CELSR3: variants seen among roughly 807,000 people sequenced by gnomAD.
The protein encoded by CELSR3 is cadherin EGF LAG seven-pass G-type receptor 3.
Under a neutral mutation model 270.0 loss-of-function variants are expected in CELSR3, and 73 were observed. The observed-to-expected ratio is 0.27, with a 90% CI of 0.22 to 0.33. The LOEUF is 0.33. CELSR3 is among the 10% of genes least tolerant of loss of function. CELSR3 has a pLI of 1.00. For synonymous variants in CELSR3, 1,780 were observed against 1,905.4 expected (o/e 0.93, Z 1.71); for missense variants, 3,614 against 4,533.8 (o/e 0.80, Z 5.83).
Position 48,649,099 on chromosome 3 carries a change from G to C in CELSR3, c.6567+22C>G, listed in dbSNP as rs766995039. The C allele has an allele frequency of 2.5e-6, 4 of 1,604,230 alleles. No individual in the cohort carries two copies. In the South Asian group the frequency reaches 4.5e-5, roughly 18 times the overall value. ...GGCCAAGGAAGGTCTTAGGTTGCAGGAAAAGGTCTGGGCAGTCTCACCAGC... is the reference window on the plus strand; with the variant it reads ...GGCCAAGGAAGGTCTTAGGTTGCAGCAAAAGGTCTGGGCAGTCTCACCAGC... On this transcript the variant is annotated intron_variant, in intron 17 of 34. Transcript: ENST00000164024.
chr3:48,657,216 C>G lies in CELSR3; in HGVS notation c.3881G>C (p.Arg1294Pro). ...QERFLSPLLG[R>P]FLEGVAAVLA... ...CACCGCAGCCACGCCCTCGAGGAAG[C>G]GGCCCAGCAGCGGTGACAGGAAGCG... is the stretch of plus-strand genomic sequence containing the variant. The change falls in exon 2 of 35, where the codon CGC (arginine) becomes CCC (proline). Residue 1294 changes from arginine to proline, a missense_variant. Physicochemically the swap from Arg to Pro is moderately radical, Grantham distance 103. Around this residue, in one of 7 missense-constraint regions of CELSR3, gnomAD observed 1,331 missense variants for 1,933.7 expected, o/e 0.69. Coordinates refer to ENST00000164024, the MANE Select transcript of CELSR3 (RefSeq NM_001407.3). This position sits in a 1 kb window ranked among gnomAD's most constrained non-coding sequence, Gnocchi z 5.4. 1.2e-6 allele frequency: 2 copies of G among 1,613,714 alleles called. No individual in the cohort carries two copies. Among genetic ancestry groups the G allele is most frequent in the Non-Finnish European group, 1.7e-6 (2 of 1,179,896 alleles).
At position 48,637,877 on chromosome 3, in the gene CELSR3, G is replaced by T; in HGVS notation, c.*328C>A. On this transcript the variant is annotated 3_prime_UTR_variant, in exon 35 of 35. Coordinates refer to ENST00000164024, the MANE Select transcript of CELSR3 (RefSeq NM_001407.3). The stretch of plus-strand genomic sequence containing the variant: ...CTCAGGACCCAAATGGGGTCAAACT[G>T]CATCTCTCCCTCTATCTCCCTCCCC... The T allele has an allele frequency of 2.8e-6, 1 of 361,520 alleles. No individual in the cohort carries two copies. Among genetic ancestry groups the T allele is most frequent in the Non-Finnish European group, 5.2e-6 (1 of 192,124 alleles). The allele number at this position is 361,520 out of a possible 1,614,324, so 22.4% of individuals were successfully genotyped here. A position where few individuals can be genotyped will look rare whatever the true frequency, so the allele number is the denominator to read the frequency against.
At position 48,647,847 on chromosome 3, in the gene CELSR3, A is replaced by T. The variant is rs775101979; in HGVS notation, c.7123T>A (p.Ser2375Thr). The change falls in exon 20 of 35, where the codon TCT becomes ACT. Residue 2375 changes from serine to threonine, a missense_variant. By Grantham distance (58) the Ser-to-Thr change is moderately conservative. Transcript: ENST00000164024. ...LPSQSPRPSP[S>T]EVLPTSSSIE... ...GTCCCCTAGGGGCTCTCACCTTCAGATGGGGATGGCCGTGGGGACTGGGAA... is the reference window on the plus strand; with the variant it reads ...GTCCCCTAGGGGCTCTCACCTTCAGTTGGGGATGGCCGTGGGGACTGGGAA... The T allele has an allele frequency of 2.6e-5, 42 of 1,609,364 alleles. No individual in the cohort carries two copies. The African/African-American group carries it at 4.1e-4, about 16-fold the overall frequency.
rs762259677 is a variant in CELSR3 at position 48,645,839 on chromosome 3, C to T, written c.7493G>A (p.Arg2498Gln). Residue 2498 changes from arginine (R) to glutamine (Q), a missense_variant, in exon 23 of 35, where the codon CGG becomes CAG. Physicochemically the swap from Arg to Gln is conservative, Grantham distance 43 (BLOSUM62 1). This residue lies in a region of CELSR3 where 1,240 missense variants were observed against 1,351.7 expected (regional missense o/e 0.92). Transcript: ENST00000164024. The surrounding 1 kb of genome is among the most constrained non-coding windows in gnomAD (Gnocchi z 5.4). ...ATTCCTGTGCACCAGCTCGCAGTCC[C>T]GTGCTGTCCACACACCATGCTGCTC... Reference protein sequence around the residue: ...LAEQHGVWTARDCELVHRNGS... With the variant: ...LAEQHGVWTAQDCELVHRNGS... 3.2e-5 allele frequency: 51 copies of T among 1,608,940 alleles called. No individual in the cohort carries two copies. The highest frequency in any genetic ancestry group is 2.2e-4 in the Admixed American group (13 of 59,974).
chr3:48,653,933 C>T lies in CELSR3; in HGVS notation c.5223G>A (p.Trp1741Ter). ...CKNSGFCSER[W>*]GSFSCDCPVG... ...CAGGGCAGTCGCAGCTGAAGCTGCC[C>T]CAGCGCTCCGAGCAGAAGCCACTGT... The change falls in exon 8 of 35, where the codon TGG (tryptophan) becomes TGA (stop). Residue 1741 changes from tryptophan to a stop codon, truncating the protein, a stop_gained. Coordinates refer to ENST00000164024, the MANE Select transcript of CELSR3 (RefSeq NM_001407.3). LOFTEE classifies it high-confidence loss of function. The surrounding 1 kb of genome is among the most constrained non-coding windows in gnomAD (Gnocchi z 6.5). 6.2e-7 allele frequency: 1 copy of T among 1,613,546 alleles called. No homozygotes were observed.
In CELSR3 at chr3:48,650,408, G is replaced by C; in HGVS notation, c.6472+72C>G. On this transcript the variant is annotated intron_variant, in intron 16 of 34. Coordinates refer to ENST00000164024, the MANE Select transcript of CELSR3 (RefSeq NM_001407.3). This position sits in a 1 kb window ranked among gnomAD's most constrained non-coding sequence, Gnocchi z 5.1. Reference sequence around the variant, plus strand: ...AACAAAGCCACCCAATTTAGGAAAAGACATGGCTCTAGCAGTCAGAGTACA... The same window carrying C: ...AACAAAGCCACCCAATTTAGGAAAACACATGGCTCTAGCAGTCAGAGTACA... 2.5e-6 allele frequency: 3 copies of C among 1,221,130 alleles called. No homozygotes were observed. Among genetic ancestry groups the C allele is most frequent in the Non-Finnish European group, 3.5e-6 (3 of 850,674 alleles). 75.6% of individuals were successfully genotyped at this position (1,221,130 alleles called of 1,614,324 possible).
In CELSR3 at chr3:48,661,734, G is replaced by T. The variant is rs1262245682; in HGVS notation, c.901C>A (p.Arg301Ser). 6.3e-7 allele frequency: 1 copy of T among 1,578,474 alleles called. No homozygotes were observed. Among genetic ancestry groups the T allele is most frequent in the Non-Finnish European group, 8.6e-7 (1 of 1,164,316 alleles). The stretch of plus-strand genomic sequence containing the variant: ...GAGGTTACTTTCCTGGCTTCAGGAC[G>T]GGCCGGGAGTCCCGGGGGACGCGGC... Reference protein sequence around the residue: ...PGPRPPGLPARPEARKVTSAN... With the variant: ...PGPRPPGLPASPEARKVTSAN... The change falls in exon 1 of 35, where the codon CGT (arginine) becomes AGT (serine). Residue 301 changes from arginine (R) to serine (S), a missense_variant. Around this residue, in one of 7 missense-constraint regions of CELSR3, gnomAD observed 470 missense variants for 469.7 expected, o/e 1.00. Transcript: ENST00000164024.
chr3:48,650,256 GC>G lies in CELSR3; in HGVS notation c.6472+223del, dbSNP rs1394907053. 1.5e-6 allele frequency: 1 copy of G among 653,682 alleles called. No homozygotes were observed. 40.5% of individuals were successfully genotyped at this position (653,682 alleles called of 1,614,324 possible). ...TAGTGGGAGGGGGCAGTGCACCTGA[GC>G]AAACACGTACCCCTTACCTGCACCC... On this transcript the variant is annotated intron_variant, in intron 16 of 34. Transcript: ENST00000164024. This position sits in a 1 kb window ranked among gnomAD's most constrained non-coding sequence, Gnocchi z 5.1.
In CELSR3 at chr3:48,651,590, G is replaced by A. The variant is rs1037054338; in HGVS notation, c.6052C>T (p.His2018Tyr). 6.3e-7 allele frequency: 1 copy of A among 1,575,842 alleles called. No homozygotes were observed. Among genetic ancestry groups the A allele is most frequent in the East Asian group, 2.3e-5 (1 of 44,430 alleles). ...CCAGCCTCTTACCTGTGCTCACAGT[G>A]GTGCCCGAAATAGCCACCCACACAG... Reference protein sequence around the residue: ...CDCVGGYFGHHCEHRMDQQCP... With the variant: ...CDCVGGYFGHYCEHRMDQQCP... Residue 2018 changes from histidine (H) to tyrosine (Y), a missense_variant, in exon 13 of 35, where the codon CAC becomes TAC. Physicochemically the swap from His to Tyr is moderately conservative, Grantham distance 83. This residue lies in a region of CELSR3 where 1,331 missense variants were observed against 1,933.7 expected (regional missense o/e 0.69). Coordinates refer to ENST00000164024, the MANE Select transcript of CELSR3 (RefSeq NM_001407.3). This position sits in a 1 kb window ranked among gnomAD's most constrained non-coding sequence, Gnocchi z 7.4.
Position 48,642,247 on chromosome 3 carries a change from G to A in CELSR3, c.8665+111C>T. On this transcript the variant is annotated intron_variant, in intron 31 of 34. Coordinates refer to ENST00000164024, the MANE Select transcript of CELSR3 (RefSeq NM_001407.3). The surrounding 1 kb of genome is among the most constrained non-coding windows in gnomAD (Gnocchi z 6.1). ...GGTGCCTCCTGAGGCAGGGACCCTG[G>A]GGGAGATCGTCCCACCCCAGTCAGC... is the stretch of plus-strand genomic sequence containing the variant. The A allele has an allele frequency of 8.3e-7, 1 of 1,203,944 alleles. No homozygotes were observed. 74.6% of individuals were successfully genotyped at this position (1,203,944 alleles called of 1,614,324 possible).
Position 48,650,433 on chromosome 3 carries a change from A to AGGGGGGGGGGGGGGCGGCGGGGGGGGG in CELSR3, c.6472+46_6472+47insCCCCCCCCCGCCGCCCCCCCCCCCCCC. 1.1e-6 allele frequency: 1 copy of AGGGGGGGGGGGGGGCGGCGGGGGGGGG among 927,818 alleles called. No homozygotes were observed. Among genetic ancestry groups the AGGGGGGGGGGGGGGCGGCGGGGGGGGG allele is most frequent in the Non-Finnish European group, 1.7e-6 (1 of 598,394 alleles). 57.5% of individuals were successfully genotyped at this position (927,818 alleles called of 1,614,324 possible). A position where few individuals can be genotyped will look rare whatever the true frequency, so the allele number is the denominator to read the frequency against. On this transcript the variant is annotated intron_variant, in intron 16 of 34. Coordinates refer to ENST00000164024, the MANE Select transcript of CELSR3 (RefSeq NM_001407.3). This position sits in a 1 kb window ranked among gnomAD's most constrained non-coding sequence, Gnocchi z 5.1. ...GACATGGCTCTAGCAGTCAGAGTAC[A>AGGGGGGGGGGGGGGCGGCGGGGGGGGG]GGCCCACCCCCACCCTCAGTGATGT...
rs765625180 is a variant in CELSR3 at position 48,660,867 on chromosome 3, G to A, written c.1768C>T (p.Arg590Cys). The change falls in exon 1 of 35, where the codon CGT (arginine) becomes TGT (cysteine). Residue 590 changes from arginine to cysteine, a missense_variant. Arg to Cys is a radical substitution (Grantham distance 180). Coordinates refer to ENST00000164024, the MANE Select transcript of CELSR3 (RefSeq NM_001407.3). The surrounding 1 kb of genome is among the most constrained non-coding windows in gnomAD (Gnocchi z 5.5). ...VHYNIISGNS[R>C]GHFAIDSLTG... Reference sequence around the variant, plus strand: ...AGGCTGTCGATGGCAAAGTGTCCACGGCTATTGCCACTGATGATGTTGTAG... The same window carrying A: ...AGGCTGTCGATGGCAAAGTGTCCACAGCTATTGCCACTGATGATGTTGTAG... 1.9e-6 allele frequency: 3 copies of A among 1,613,976 alleles called. No individual in the cohort carries two copies. The highest frequency in any genetic ancestry group is 2.5e-6 in the Non-Finnish European group (3 of 1,180,024).
rs747771329 is a variant in CELSR3, at chr3:48,661,828, G to A, written c.807C>T (p.Pro269=). Residue 269 remains proline, a synonymous_variant, in exon 1 of 35, where the codon CCC becomes CCT. Transcript: ENST00000164024. ...GSAPRESRTA[P]EPAPKRMRSR... Reference sequence around the variant, plus strand: ...AGCGCATGCGCTTGGGCGCCGGCTCGGGAGCTGTCCGAGACTCGCGGGGTG... The same window carrying A: ...AGCGCATGCGCTTGGGCGCCGGCTCAGGAGCTGTCCGAGACTCGCGGGGTG... 5.0e-6 allele frequency: 8 copies of A among 1,609,536 alleles called. No individual in the cohort carries two copies. Among genetic ancestry groups the A allele is most frequent in the Admixed American group, 1.7e-5 (1 of 59,868 alleles).
rs907348253 is a variant in CELSR3, at chr3:48,661,101, C to T, written c.1534G>A (p.Val512Met). ...TGGCCCTGGTCGCTGGCTTCCACCA[C>T]CAGCTCATAGCTTTCCATGTGCTCG... Reference protein sequence around the residue: ...DREHMESYELVVEASDQGQEP... With the variant: ...DREHMESYELMVEASDQGQEP... Residue 512 changes from valine to methionine, a missense_variant, in exon 1 of 35, where the codon GTG (valine) becomes ATG (methionine). Around this residue, in one of 7 missense-constraint regions of CELSR3, gnomAD observed 354 missense variants for 500.9 expected, o/e 0.71. Coordinates refer to ENST00000164024, the MANE Select transcript of CELSR3 (RefSeq NM_001407.3). The T allele has an allele frequency of 1.2e-6, 2 of 1,613,118 alleles. No homozygotes were observed. Among genetic ancestry groups the T allele is most frequent in the African/African-American group, 1.3e-5 (1 of 75,058 alleles).
Position 48,653,298 on chromosome 3 carries a change from T to A in CELSR3, c.5449-111A>T, listed in dbSNP as rs1046477738. 2 of 998,728 alleles carry A rather than the reference T, an allele frequency of 2.0e-6. No individual in the cohort carries two copies. The highest frequency in any genetic ancestry group is 3.0e-6 in the Non-Finnish European group (2 of 672,320). 61.9% of individuals were successfully genotyped at this position (998,728 alleles called of 1,614,324 possible). A position where few individuals can be genotyped will look rare whatever the true frequency, so the allele number is the denominator to read the frequency against. On this transcript the variant is annotated intron_variant, in intron 9 of 34. Transcript: ENST00000164024. The surrounding 1 kb of genome is among the most constrained non-coding windows in gnomAD (Gnocchi z 6.5). Reference sequence around the variant, plus strand: ...AATATCAGAGGTCAGAACAGTGGGGTCAAGGTTATACCTGGCACAAAGGGC... The same window carrying A: ...AATATCAGAGGTCAGAACAGTGGGGACAAGGTTATACCTGGCACAAAGGGC...
Position 48,659,912 on chromosome 3 carries a change from G to A in CELSR3, c.2723C>T (p.Ala908Val). The A allele has an allele frequency of 6.2e-7, 1 of 1,614,214 alleles. No homozygotes were observed. Among genetic ancestry groups the A allele is most frequent in the Non-Finnish European group, 8.5e-7 (1 of 1,180,038 alleles). Residue 908 changes from alanine to valine, a missense_variant, in exon 1 of 35, where the codon GCA becomes GTA. Coordinates refer to ENST00000164024, the MANE Select transcript of CELSR3 (RefSeq NM_001407.3). The surrounding 1 kb of genome is among the most constrained non-coding windows in gnomAD (Gnocchi z 8.1). ...CTGTAATGTAATGGCTCCTGAGTCTGCATCAATGCGGAACTGGGGCAGGTT... is the reference window on the plus strand; with the variant it reads ...CTGTAATGTAATGGCTCCTGAGTCTACATCAATGCGGAACTGGGGCAGGTT... ...EDNLPQFRIDADSGAITLQAP... is the reference protein window; with the variant it reads ...EDNLPQFRIDVDSGAITLQAP...
rs565570555 is a variant in CELSR3 at position 48,639,895 on chromosome 3, C to T, written c.9690G>A (p.Ser3230=). The change falls in exon 34 of 35, where the codon TCG becomes TCA. Residue 3230 remains serine (S), a synonymous_variant. Transcript: ENST00000164024. The surrounding 1 kb of genome is among the most constrained non-coding windows in gnomAD (Gnocchi z 4.1). ...AGGGGCCATGGCTGGGGCCACTGAC[C>T]GAGTCCTCCCTAGCTCTGAGCAGCT... ...LPQLLRARED[S]VSGPSHGPST... is the part of the protein sequence containing the mutation. 3.3e-5 allele frequency: 53 copies of T among 1,613,234 alleles called. No homozygotes were observed. Among genetic ancestry groups the T allele is most frequent in the Middle Eastern group, 1.7e-4 (1 of 6,060 alleles).
At chr3:48,643,516 C>A in intron 28 of CELSR3, 38 bp downstream of exon 28, 1 of 1,542,356 alleles carries the variant, frequency 6.5e-7, no homozygotes. Flanking sequence ...ACTGAAGGCC[C>A]ACCTGGTTCT....
chr3:48,637,843 T>C lies in CELSR3; in HGVS notation c.*362A>G, dbSNP rs1018620872. 16 of 276,238 alleles carry C rather than the reference T, an allele frequency of 5.8e-5. No individual in the cohort carries two copies. Among genetic ancestry groups the C allele is most frequent in the African/African-American group, 3.0e-4 (14 of 46,894 alleles). The allele number at this position is 276,238 out of a possible 1,614,324, so 17.1% of individuals were successfully genotyped here. On this transcript the variant is annotated 3_prime_UTR_variant, in exon 35 of 35. Coordinates refer to ENST00000164024, the MANE Select transcript of CELSR3 (RefSeq NM_001407.3). ...CCCAGGAAGGAGAGAGAGATGAGCA[T>C]AGGGTTTGCTCAGGACCCAAATGGG...
Sources: allele counts gnomAD v4.1 joint callset, GRCh38; gene constraint gnomAD v4.1.1; regional missense constraint gnomAD v4.1.1; non-coding constraint Gnocchi (gnomAD v3.1); transcripts MANE v1.5; gene names NCBI Gene and HGNC (gene_info 2026-07-23, HGNC 2026-07-21).